Variants in TREH observed in about 807,000 individuals in gnomAD.
The protein encoded by TREH is alpha,alpha-trehalose glucohydrolase.
Under a neutral mutation model 80.5 loss-of-function variants are expected in TREH, and 69 were observed. The observed-to-expected ratio is 0.86, with a 90% CI of 0.71 to 1.05. The LOEUF (loss-of-function observed/expected upper bound fraction) is 1.05. Ranked by LOEUF, TREH falls within the 50% of genes least tolerant of loss-of-function variation. The probability of loss-of-function intolerance (pLI) is 0.00; values close to 1 mark genes in which losing one functional copy is unlikely to be tolerated. For synonymous variants in TREH, 309 were observed against 293.5 expected (o/e 1.05, Z -0.54); for missense variants, 716 against 718.8 (o/e 1.00, Z 0.04).
chr11:118,658,761 C>G (rs1449842133), intron 13 of TREH, 28 bp from the exon 14 acceptor site: 1 of 1,609,824 alleles, frequency 6.2e-7, no homozygotes. Flanking sequence ...GGCTGTATGT[C>G]AGGTACTGCC....
At chr11:118,660,999 C>T (rs958640824) in intron 8 of TREH, 84 bp from the exon 9 acceptor site, 27 of 1,545,860 alleles carry the variant, frequency 1.7e-5, no homozygotes, top group Non-Finnish European at 2.0e-5. Flanking sequence ...CCATCTTGAT[C>T]CAGCTGCCCT....
intron 13 of TREH, 68 bp downstream of exon 13, chr11:118,658,837 C>T: frequency 1.9e-6 from 3 of 1,609,114 alleles, no homozygotes; most frequent in Non-Finnish European, 2.6e-6. Flanking sequence ...TGCCCAGCAG[C>T]CCCTGCAGTG....
At chr11:118,672,074 G>C (rs151120307) in intron 1 of TREH, among the ~76,000 whole-genome samples, 95 of 152,240 alleles carry the variant, frequency 6.2e-4, no homozygotes, top group African/African-American at 2.2e-3. Flanking sequence ...AGTATACTTC[G>C]ATCAGAAAGA....
At chr11:118,659,725 G>T (rs117619140) in intron 11 of TREH, 22 bp downstream of exon 11, 41,785 of 1,557,666 alleles carry the variant, frequency 0.027, 1,032 homozygotes, top group Admixed American at 0.13. Flanking sequence ...CAGTGGACCC[G>T]AGCCACCTGC....
intron 1 of TREH, 117 bp from the exon 2 acceptor site, chr11:118,663,556 G>GCTGT: frequency 1.2e-6 from 1 of 812,738 alleles, no homozygotes; most frequent in Non-Finnish European, 2.0e-6. Flanking sequence ...CTGGACAAGG[G>GCTGT]CTGTGTGTGC....
intron 1 of TREH, among the ~76,000 whole-genome samples, chr11:118,672,410 A>G (rs12280064): frequency 6.9e-6 from 1 of 145,378 alleles, no homozygotes. Context: ...AAAAAAAAAG[A>G]AAAAAAAAGT....
chr11:118,659,798 G>A lies in TREH; in HGVS notation c.1269C>T (p.Ala423=), dbSNP rs372473137. ...FYPSNLTPLW[A]GCFSDPGVAD... is the part of the protein sequence containing the mutation. ...CCACGCCAGGGTCAGAGAAACACCC[G>A]GCCCAGAGTGGAGTGAGGTTGGATG... Residue 423 remains alanine (A), a synonymous_variant, in exon 11 of 15, where the codon GCC becomes GCT. Coordinates refer to ENST00000264029, the MANE Select transcript of TREH (RefSeq NM_007180.3). The A allele has an allele frequency of 1.4e-5, 22 of 1,583,404 alleles. No homozygotes were observed. Among genetic ancestry groups the A allele is most frequent in the Middle Eastern group, 1.7e-4 (1 of 6,028 alleles).
At position 118,658,986 on chromosome 11, in the gene TREH, C is replaced by T; in HGVS notation, c.1464G>A (p.Gln488=). ...TCTGAGCCAGCTGGAAAGCCACTTC[C>T]TGGGCCCGACGTAAAGGTGCCTTGG... ...GLAKAPLRRA[Q]EVAFQLAQNW... Residue 488 remains glutamine (Q), a synonymous_variant, in exon 13 of 15, where the codon CAG becomes CAA. Coordinates refer to ENST00000264029, the MANE Select transcript of TREH (RefSeq NM_007180.3). 6.2e-7 allele frequency: 1 copy of T among 1,613,890 alleles called. No individual in the cohort carries two copies.
intron 1 of TREH, among the ~76,000 whole-genome samples, chr11:118,669,448 G>A (rs1326866675): frequency 3.9e-5 from 6 of 152,230 alleles, no homozygotes; most frequent in Admixed American, 2.6e-4. Context: ...CAACCTAAGT[G>A]TCCATCGACT....
At chr11:118,659,591 C>T (rs1949286047) in intron 11 of TREH, 110 bp from the exon 12 acceptor site, 2 of 1,357,834 alleles carry the variant, frequency 1.5e-6, no homozygotes, top group Non-Finnish European at 2.0e-6. Context: ...CTCTTCTTTT[C>T]TCGGCTCACA....
In TREH at chr11:118,661,927, T is replaced by A. The variant is rs140024918; in HGVS notation, c.487A>T (p.Ile163Phe). Residue 163 changes from isoleucine (I) to phenylalanine (F), a missense_variant, in exon 5 of 15, where the codon ATT becomes TTT. Physicochemically the swap from Ile to Phe is conservative, Grantham distance 21. Coordinates refer to ENST00000264029, the MANE Select transcript of TREH (RefSeq NM_007180.3). The surrounding 1 kb of genome is among the most constrained non-coding windows in gnomAD (Gnocchi z 4.2). ...TCAACAAAGCGACCGCCAGGCACAA[T>A]GAAGGGATGTTCTGAGTAGATGAGA... ...FSLIYSEHPF[I>F]VPGGRFVEFY... 532 of 1,555,810 alleles carry A rather than the reference T, an allele frequency of 3.4e-4. 10 individuals carry two copies. The East Asian group carries it at 0.013, about 37-fold the overall frequency.
At chr11:118,677,182 G>A (rs1000600962) in intron 1 of TREH, among the ~76,000 whole-genome samples, 1 of 152,236 alleles carries the variant, frequency 6.6e-6, no homozygotes, top group Non-Finnish European at 1.5e-5. Context: ...ACTGAGGTCA[G>A]CCACACAGGT....
At chr11:118,669,384 A>G (rs1049020510) in intron 1 of TREH, among the ~76,000 whole-genome samples, 5 of 152,250 alleles carry the variant, frequency 3.3e-5, no homozygotes, top group Non-Finnish European at 5.9e-5. Context: ...TTGAAGAGAT[A>G]TCTGCACTCC....
chr11:118,663,242 AC>A (rs1555145342), intron 2 of TREH, 46 bp from the exon 3 acceptor site: 1 of 1,571,784 alleles, frequency 6.4e-7, no homozygotes, highest in South Asian at 1.2e-5. Flanking sequence ...GTCACAAGCC[AC>A]TCCCTAATCA....
At chr11:118,677,771 A>G (rs1185592297) in intron 1 of TREH, among the ~76,000 whole-genome samples, 2 of 152,168 alleles carry the variant, frequency 1.3e-5, no homozygotes, top group Non-Finnish European at 2.9e-5. Context: ...ACCATTTGGA[A>G]GTGTTAGTGA....
chr11:118,678,284 C>T (rs1343249608), intron 1 of TREH, among the ~76,000 whole-genome samples: 8 of 152,318 alleles, frequency 5.3e-5, no homozygotes, highest in African/African-American at 1.7e-4. Context: ...CTCTAACACA[C>T]CCTCTGCTCA....
At position 118,679,642 on chromosome 11, in the gene TREH, T is replaced by A. The variant is rs782184607; in HGVS notation, c.-15A>T. ...CTCCCTGGCATGGTGGCTGTGACTG[T>A]GACTGAATGAGCAAGCCCAGGCACC... On this transcript the variant is annotated 5_prime_UTR_variant, in exon 1 of 15. Coordinates refer to ENST00000264029, the MANE Select transcript of TREH (RefSeq NM_007180.3). 7.4e-6 allele frequency: 11 copies of A among 1,477,016 alleles called. No homozygotes were observed. The South Asian group carries it at 1.3e-4, about 17-fold the overall frequency. 91.5% of individuals were successfully genotyped at this position (1,477,016 alleles called of 1,614,324 possible). A position where few individuals can be genotyped will look rare whatever the true frequency, so the allele number is the denominator to read the frequency against.
intron 1 of TREH, among the ~76,000 whole-genome samples, chr11:118,667,658 C>A (rs527620636): frequency 6.6e-6 from 1 of 152,214 alleles, no homozygotes; most frequent in South Asian, 2.1e-4. Context: ...CTCATCGAAC[C>A]CTACTATGGG....
chr11:118,658,538 ACC>A, intron 14 of TREH, 97 bp from the exon 15 acceptor site: 1 of 1,526,238 alleles, frequency 6.6e-7, no homozygotes. Flanking sequence ...GCCCTGCCTA[ACC>A]CCAGCGGTAC....
Sources: gnomAD v4.1 joint callset for allele counts (sites outside exome capture counted in the v4.1 genomes callset) on GRCh38, gnomAD v4.1.1 for gene constraint, Gnocchi (gnomAD v3.1) non-coding constraint, MANE v1.5 for transcripts, NCBI Gene and HGNC (gene_info 2026-07-23, HGNC 2026-07-21) for gene names.